The following DIP2B variants were observed in gnomAD, a reference collection of about 807,000 sequenced individuals.
DIP2B encodes DIP2 acetate--CoA ligase B (putative).
DIP2B carries 76 observed loss-of-function variants against 198.0 expected under a neutral mutation model. The observed-to-expected ratio is 0.38, with a 90% CI of 0.32 to 0.46. The LOEUF (loss-of-function observed/expected upper bound fraction) is 0.46. DIP2B is among the 20% of genes least tolerant of loss of function. DIP2B has a pLI of 0.99. For synonymous variants in DIP2B, 701 were observed against 739.1 expected (o/e 0.95, Z 0.84); for missense variants, 1,559 against 1,978.4 (o/e 0.79, Z 4.02).
At chr12:50,590,533 C>A (rs924361588) in intron 1 of DIP2B, among the ~76,000 whole-genome samples, 11 of 152,214 alleles carry the variant, frequency 7.2e-5, no homozygotes, top group African/African-American at 2.4e-4. Context: ...CCATGCCCAG[C>A]TAATTTTTGT....
rs142342454 is a variant in DIP2B, at chr12:50,595,888, C to T, written c.101-30088C>T. On this transcript the variant is annotated intron_variant, in intron 1 of 37. Coordinates refer to ENST00000301180, the MANE Select transcript of DIP2B (RefSeq NM_173602.3). Reference sequence around the variant, plus strand: ...ATTGAAGTGCTCCCACCGTCTCCTCCTCCACTCTCAGTCTTGCCTTATCAC... The same window carrying T: ...ATTGAAGTGCTCCCACCGTCTCCTCTTCCACTCTCAGTCTTGCCTTATCAC... Among the ~76,000 whole-genome samples, 87 of 152,310 alleles carry T rather than the reference C, an allele frequency of 5.7e-4. No individual in the cohort carries two copies. The East Asian group carries it at 0.015, about 26-fold the overall frequency.
chr12:50,691,140 A>G lies in DIP2B; in HGVS notation c.1643A>G (p.Asn548Ser), dbSNP rs752674923. ...TGCCAAGCTCTGTCGCAGGCCTGCA[A>G]TTATTCTGAAGGTCAGACCTCATCC... ...SHCQALSQAC[N>S]YSEGETIVNV... Residue 548 changes from asparagine (N) to serine (S), a missense_variant, in exon 13 of 38, where the codon AAT (asparagine) becomes AGT (serine). By Grantham distance (46) the Asn-to-Ser change is conservative. Transcript: ENST00000301180. 8 of 1,614,088 alleles carry G rather than the reference A, an allele frequency of 5.0e-6. No homozygotes were observed. In the South Asian group the frequency reaches 6.6e-5, roughly 13 times the overall value.
intron 1 of DIP2B, among the ~76,000 whole-genome samples, chr12:50,550,735 G>T (rs1373805322): frequency 6.6e-6 from 1 of 152,206 alleles, no homozygotes; most frequent in African/African-American, 2.4e-5. Context: ...CTGTAGCCCA[G>T]TGGCAGATAC....
chr12:50,635,126 G>C (rs774623605), intron 2 of DIP2B, among the ~76,000 whole-genome samples: 2 of 152,176 alleles, frequency 1.3e-5, no homozygotes, highest in Non-Finnish European at 2.9e-5. Flanking sequence ...TATAACAACA[G>C]AAATGAGCAG....
At chr12:50,563,650 C>A (rs1364162025) in intron 1 of DIP2B, among the ~76,000 whole-genome samples, 5 of 151,926 alleles carry the variant, frequency 3.3e-5, no homozygotes, top group Non-Finnish European at 7.4e-5. Context: ...TGTGGGCCAC[C>A]ATACCTGGCT....
intron 2 of DIP2B, among the ~76,000 whole-genome samples, chr12:50,638,708 A>G (rs1368444417): frequency 1.3e-5 from 2 of 152,110 alleles, no homozygotes; most frequent in East Asian, 3.9e-4. Context: ...ACCTTGAGGC[A>G]GCATCTTGCC....
chr12:50,676,454 C>T (rs941943629), intron 7 of DIP2B, among the ~76,000 whole-genome samples: 15 of 152,166 alleles, frequency 9.9e-5, no homozygotes, highest in African/African-American at 3.6e-4. Flanking sequence ...AATCACTAAA[C>T]TCATTGAATG....
chr12:50,676,342 T>G (rs1032353745), intron 7 of DIP2B, among the ~76,000 whole-genome samples: 6 of 152,222 alleles, frequency 3.9e-5, no homozygotes, highest in African/African-American at 1.4e-4. Context: ...AGCTTGTTAA[T>G]AGAATTAGGT....
chr12:50,636,024 C>T (rs1387369319), intron 2 of DIP2B, among the ~76,000 whole-genome samples: 1 of 152,130 alleles, frequency 6.6e-6, no homozygotes, highest in Non-Finnish European at 1.5e-5. Context: ...AGCCTCTGAC[C>T]TCAAGTTATT....
intron 37 of DIP2B, among the ~76,000 whole-genome samples, chr12:50,742,251 T>C (rs1163537374): frequency 6.6e-6 from 1 of 151,592 alleles, no homozygotes; most frequent in Non-Finnish European, 1.5e-5. Context: ...ATTAAAAAAA[T>C]AGCCAGGTGT....
At chr12:50,739,194 A>G (rs920559610) in intron 35 of DIP2B, among the ~76,000 whole-genome samples, 2 of 152,246 alleles carry the variant, frequency 1.3e-5, no homozygotes, top group African/African-American at 2.4e-5. Flanking sequence ...AATGGGAACA[A>G]CATTGTATGA....
At chr12:50,737,610 TTTTG>T (rs1315839005) in intron 35 of DIP2B, among the ~76,000 whole-genome samples, 3 of 151,960 alleles carry the variant, frequency 2.0e-5, no homozygotes, top group Admixed American at 6.6e-5. Context: ...AAATCTTTGT[TTTTG>T]TTTGTTTATT....
chr12:50,729,818 C>T (rs1940006003), intron 30 of DIP2B, among the ~76,000 whole-genome samples: 1 of 151,488 alleles, frequency 6.6e-6, no homozygotes, highest in Non-Finnish European at 1.5e-5. Flanking sequence ...CAACCTCCAC[C>T]TCCCAAGCTC....
rs1447427961 is a variant in DIP2B, at chr12:50,746,769, C to T, written c.*1930C>T. On this transcript the variant is annotated 3_prime_UTR_variant, in exon 38 of 38. Coordinates refer to ENST00000301180, the MANE Select transcript of DIP2B (RefSeq NM_173602.3). ...AGCCTGATACTTAATTTTCTTAAAA[C>T]TATTTTTAATGATCCACTAAACAAA... 6.6e-6 allele frequency: 1 copy of T among 152,192 alleles called. No individual in the cohort carries two copies. The highest frequency in any genetic ancestry group is 1.5e-5 in the Non-Finnish European group (1 of 68,026). 9.4% of individuals were successfully genotyped at this position (152,192 alleles called of 1,614,324 possible). A position where few individuals can be genotyped will look rare whatever the true frequency, so the allele number is the denominator to read the frequency against.
chr12:50,546,820 C>T (rs945239570), intron 1 of DIP2B, among the ~76,000 whole-genome samples: 5 of 152,062 alleles, frequency 3.3e-5, no homozygotes, highest in African/African-American at 4.8e-5. Context: ...TTTCACTTTT[C>T]AGGGCCAATG....
rs1939123353 is a variant in DIP2B at position 50,685,961 on chromosome 12, G to T, written c.1441+5G>T. The T allele has an allele frequency of 6.2e-7, 1 of 1,608,452 alleles. No individual in the cohort carries two copies. Among genetic ancestry groups the T allele is most frequent in the African/African-American group, 1.3e-5 (1 of 74,728 alleles). On this transcript the variant is annotated splice_donor_5th_base_variant and intron_variant, in intron 11 of 37. Transcript: ENST00000301180. Reference sequence around the variant, plus strand: ...GAGAAATTGTACAGTTTAAAGGTTAGTAACATTGTACCTGAATTATCAGTT... The same window carrying T: ...GAGAAATTGTACAGTTTAAAGGTTATTAACATTGTACCTGAATTATCAGTT...
At position 50,626,010 on chromosome 12, in the gene DIP2B, G is replaced by C. The variant is rs370478703; in HGVS notation, c.135G>C (p.Arg45Ser). 2 of 1,614,072 alleles carry C rather than the reference G, an allele frequency of 1.2e-6. No individual in the cohort carries two copies. Among genetic ancestry groups the C allele is most frequent in the Non-Finnish European group, 8.5e-7 (1 of 1,179,988 alleles). The stretch of plus-strand genomic sequence containing the variant: ...CCCAGAAGGGCTATGAAAAGAAAAG[G>C]TCCAAACTCCTATCTCCTTACAGCC... Reference protein sequence around the residue: ...DITQKGYEKKRSKLLSPYSPQ... With the variant: ...DITQKGYEKKSSKLLSPYSPQ... The change falls in exon 2 of 38, where the codon AGG (arginine) becomes AGC (serine). Residue 45 changes from arginine to serine, a missense_variant. Coordinates refer to ENST00000301180, the MANE Select transcript of DIP2B (RefSeq NM_173602.3).
chr12:50,629,857 C>T (rs528516675), intron 2 of DIP2B, among the ~76,000 whole-genome samples: 204 of 152,156 alleles, frequency 1.3e-3, no homozygotes, highest in Non-Finnish European at 2.7e-3. Context: ...GCTTAAAAGT[C>T]ATCCTCAACG....
Position 50,734,161 on chromosome 12 carries a change from T to G in DIP2B, c.4008T>G (p.Thr1336=). ...GAACCTCAGGGCCTGATCCGACTAC[T>G]GTGTATGTGGATCTGAAATCACTAA... ...LQGTSGPDPT[T]VYVDLKSLRH... Residue 1336 remains threonine, a synonymous_variant, in exon 33 of 38, where the codon ACT becomes ACG. Transcript: ENST00000301180. 1 of 1,614,204 alleles carries G rather than the reference T, an allele frequency of 6.2e-7. No individual in the cohort carries two copies. The highest frequency in any genetic ancestry group is 8.5e-7 in the Non-Finnish European group (1 of 1,180,026).
Sources: allele counts gnomAD v4.1 joint callset (sites outside exome capture counted in the v4.1 genomes callset), GRCh38; gene constraint gnomAD v4.1.1; transcripts MANE v1.5; gene names NCBI Gene and HGNC (gene_info 2026-07-23, HGNC 2026-07-21).